The following PLEKHA6 variants were observed in gnomAD, a reference collection of about 807,000 sequenced individuals.
The protein encoded by PLEKHA6 is pleckstrin homology domain containing A6, also known as pleckstrin homology domain-containing family A member 6.
A neutral mutation model predicts 116.7 loss-of-function variants in PLEKHA6; 60 were observed. The observed-to-expected ratio is 0.51, with a 90% CI of 0.42 to 0.64. The LOEUF is 0.64. Ranked by LOEUF, PLEKHA6 falls within the 30% of genes least tolerant of loss-of-function variation. The pLI is 0.00. For missense variants in PLEKHA6, 1,338 were observed against 1,422.7 expected, an observed-to-expected ratio of 0.94 and a Z score of 0.96; for synonymous variants, 489 against 556.1, an observed-to-expected ratio of 0.88 and a Z score of 1.70.
chr1:204,278,333 T>C (rs1039217027), intron 1 of PLEKHA6, among the ~76,000 whole-genome samples: 2 of 152,252 alleles, frequency 1.3e-5, no homozygotes, highest in Non-Finnish European at 2.9e-5. Context: ...GATGTTCTTT[T>C]TGATATCACG....
chr1:204,343,464 G>A (rs531550262), intron 1 of PLEKHA6, among the ~76,000 whole-genome samples: 110 of 152,288 alleles, frequency 7.2e-4, no homozygotes, highest in African/African-American at 2.5e-3. Flanking sequence ...GGGTCACACA[G>A]CTGGTGAGTG....
chr1:204,231,766 G>T (rs775001916), intron 17 of PLEKHA6, among the ~76,000 whole-genome samples: 1 of 151,982 alleles, frequency 6.6e-6, no homozygotes, highest in Non-Finnish European at 1.5e-5. Context: ...TAGAGATGAG[G>T]TCTTGCTTTC....
rs1665837884 is a variant in PLEKHA6 at position 204,259,563 on chromosome 1, C to T, written c.702G>A (p.Val234=). The change falls in exon 8 of 23, where the codon GTG becomes GTA. Residue 234 remains valine (V), a synonymous_variant. Coordinates refer to ENST00000272203, the MANE Select transcript of PLEKHA6 (RefSeq NM_014935.5). This position sits in a 1 kb window ranked among gnomAD's most constrained non-coding sequence, Gnocchi z 4.6. ...GTCCAGCTGGGAGGCCATTGGCTTT[C>T]ACCGGAGGCTCTTTCTTGACTTCTG... ...ERPEVKKEPP[V]KANGLPAGPE... 1.2e-6 allele frequency: 2 copies of T among 1,614,088 alleles called. No individual in the cohort carries two copies. The highest frequency in any genetic ancestry group is 2.2e-5 in the East Asian group (1 of 44,880).
chr1:204,233,640 G>C (rs561438302), intron 17 of PLEKHA6, among the ~76,000 whole-genome samples: 1 of 152,068 alleles, frequency 6.6e-6, no homozygotes, highest in Admixed American at 6.5e-5. Context: ...GTAGAGGCAG[G>C]GTCTCACTAT....
intron 2 of PLEKHA6, chr1:204,274,513 C>T: frequency 5.2e-6 from 4 of 766,646 alleles, no homozygotes; most frequent in Non-Finnish European, 6.3e-6. Context: ...GGGTGCACCA[C>T]CCTGGCTTTT....
At chr1:204,339,046 G>T (rs1672755240) in intron 1 of PLEKHA6, among the ~76,000 whole-genome samples, 1 of 152,172 alleles carries the variant, frequency 6.6e-6, no homozygotes, top group Non-Finnish European at 1.5e-5. Flanking sequence ...AAGAAGTCTT[G>T]CAGTTTCCAC....
At chr1:204,274,414 A>G (rs1276575958) in intron 2 of PLEKHA6, among the ~76,000 whole-genome samples, 1 of 152,106 alleles carries the variant, frequency 6.6e-6, no homozygotes, top group Non-Finnish European at 1.5e-5. Flanking sequence ...TCTCATGATC[A>G]TATCAGATTT....
chr1:204,354,429 C>T (rs1164853703), intron 1 of PLEKHA6, among the ~76,000 whole-genome samples: 5 of 152,326 alleles, frequency 3.3e-5, no homozygotes, highest in Non-Finnish European at 1.5e-5. Context: ...ACCCTAAAAA[C>T]ATTTCCCACC....
At chr1:204,314,272 C>T (rs1280318180) in intron 1 of PLEKHA6, among the ~76,000 whole-genome samples, 1 of 152,200 alleles carries the variant, frequency 6.6e-6, no homozygotes. Context: ...TCTCAGAGTC[C>T]TGTTGTCTGA....
At chr1:204,344,374 TG>T (rs1220018794) in intron 1 of PLEKHA6, among the ~76,000 whole-genome samples, 3 of 151,922 alleles carry the variant, frequency 2.0e-5, no homozygotes, top group Admixed American at 1.3e-4. Flanking sequence ...CCTAGGCAGG[TG>T]GATCATTTGA....
intron 1 of PLEKHA6, among the ~76,000 whole-genome samples, chr1:204,374,174 C>T (rs1174445965): frequency 6.6e-6 from 1 of 152,232 alleles, no homozygotes; most frequent in Non-Finnish European, 1.5e-5. Flanking sequence ...GTCAGCACCA[C>T]TGTCTGGGAC....
chr1:204,310,794 A>G (rs998524706), intron 1 of PLEKHA6, among the ~76,000 whole-genome samples: 3 of 152,232 alleles, frequency 2.0e-5, no homozygotes, highest in Non-Finnish European at 4.4e-5. Context: ...GTTCTGAGAC[A>G]TGCAGCAGGG....
At chr1:204,307,560 G>A (rs1047764351) in intron 1 of PLEKHA6, among the ~76,000 whole-genome samples, 10 of 152,178 alleles carry the variant, frequency 6.6e-5, no homozygotes, top group African/African-American at 2.4e-4. Context: ...GAAAACCTAA[G>A]GAACATCTCC....
At position 204,241,551 on chromosome 1, in the gene PLEKHA6, C is replaced by T. The variant is rs1662822040; in HGVS notation, c.2303-70G>A. 2.1e-6 allele frequency: 3 copies of T among 1,401,088 alleles called. No homozygotes were observed. The East Asian group carries it at 7.0e-5, about 33-fold the overall frequency. 86.8% of individuals were successfully genotyped at this position (1,401,088 alleles called of 1,614,324 possible). A position where few individuals can be genotyped will look rare whatever the true frequency, so the allele number is the denominator to read the frequency against. On this transcript the variant is annotated intron_variant, in intron 16 of 22. Coordinates refer to ENST00000272203, the MANE Select transcript of PLEKHA6 (RefSeq NM_014935.5). ...AGGCAGGAAGCCTCCTTCTCAGAGACAATCTCAGCCCCACTCTCCACCGAG... is the reference window on the plus strand; with the variant it reads ...AGGCAGGAAGCCTCCTTCTCAGAGATAATCTCAGCCCCACTCTCCACCGAG...
In PLEKHA6 at chr1:204,259,781, C is replaced by T. The variant is rs777150882; in HGVS notation, c.525-41G>A. 4.5e-6 allele frequency: 7 copies of T among 1,562,324 alleles called. No homozygotes were observed. Among genetic ancestry groups the T allele is most frequent in the Non-Finnish European group, 5.2e-6 (6 of 1,154,060 alleles). On this transcript the variant is annotated intron_variant, in intron 7 of 22. Transcript: ENST00000272203. This position sits in a 1 kb window ranked among gnomAD's most constrained non-coding sequence, Gnocchi z 4.6. ...GGAGATGCTGTCAGTGACTCTAGCC[C>T]AGCATGGAGTGGGGCAGGGGGTGCC...
Position 204,229,086 on chromosome 1 carries a change from T to TG in PLEKHA6, c.2601dup (p.Ile868HisfsTer3). On this transcript the variant is annotated frameshift_variant, in exon 19 of 23. Transcript: ENST00000272203. LOFTEE classifies it high-confidence loss of function. ...AGGTTGGAGATGTCTACCTCATGGA[T>TG]GCTGCGGTGGCGGCGCACCTAGGGG... is the stretch of plus-strand genomic sequence containing the variant. The TG allele has an allele frequency of 6.2e-7, 1 of 1,613,466 alleles. No individual in the cohort carries two copies. Among genetic ancestry groups the TG allele is most frequent in the Non-Finnish European group, 8.5e-7 (1 of 1,179,818 alleles).
At position 204,257,608 on chromosome 1, in the gene PLEKHA6, C is replaced by A; in HGVS notation, c.1269G>T (p.Trp423Cys). The change falls in exon 9 of 23, where the codon TGG (tryptophan) becomes TGT (cysteine). Residue 423 changes from tryptophan to cysteine, a missense_variant. Trp to Cys is a radical substitution (Grantham distance 215). This residue lies in a region of PLEKHA6 where 1,136 missense variants were observed against 1,163.6 expected (regional missense o/e 0.98). Transcript: ENST00000272203. The surrounding 1 kb of genome is among the most constrained non-coding windows in gnomAD (Gnocchi z 6.5). ...ASYGRQDATV[W>C]IPSPSRQPVY... is the part of the protein sequence containing the mutation. ...CTGGCTGCCGGGAGGGGCTTGGGAT[C>A]CAGACGGTGGCATCCTGCCGCCCGT... The A allele has an allele frequency of 1.8e-5, 29 of 1,609,384 alleles. No homozygotes were observed. Among genetic ancestry groups the A allele is most frequent in the Non-Finnish European group, 2.5e-5 (29 of 1,178,254 alleles).
At chr1:204,354,880 G>A (rs538056387) in intron 1 of PLEKHA6, among the ~76,000 whole-genome samples, 10 of 152,366 alleles carry the variant, frequency 6.6e-5, no homozygotes, top group East Asian at 3.9e-4. Flanking sequence ...GTGCAGGGGC[G>A]CGGACAGGGG....
At chr1:204,342,884 AG>A (rs1672896824) in intron 1 of PLEKHA6, among the ~76,000 whole-genome samples, 1 of 152,228 alleles carries the variant, frequency 6.6e-6, no homozygotes, top group African/African-American at 2.4e-5. Context: ...ACCCATGGGG[AG>A]GGAATTTTAT....
Sources: gnomAD v4.1 joint callset for allele counts (sites outside exome capture counted in the v4.1 genomes callset) on GRCh38, gnomAD v4.1.1 for gene constraint, gnomAD v4.1.1 regional missense constraint, Gnocchi (gnomAD v3.1) non-coding constraint, MANE v1.5 for transcripts, NCBI Gene and HGNC (gene_info 2026-07-23, HGNC 2026-07-21) for gene names.